SGCZ: variants seen among roughly 807,000 people sequenced by gnomAD.
The protein encoded by SGCZ is zeta-sarcoglycan.
SGCZ carries 40 observed loss-of-function variants against 41.3 expected under a neutral mutation model. That is an observed-to-expected ratio of 0.97 (90% CI 0.75 to 1.26). SGCZ has a LOEUF of 1.26. SGCZ is among the 50% of genes most tolerant of loss of function. The pLI, the probability that SGCZ is intolerant of heterozygous loss-of-function variation, is 0.00. For synonymous variants in SGCZ, 206 were observed against 137.5 expected (o/e 1.50, Z -3.49); for missense variants, 552 against 369.8 (o/e 1.49, Z -4.04).
intron 1 of SGCZ, among the ~76,000 whole-genome samples, chr8:14,689,744 G>A (rs1808737364): frequency 6.6e-6 from 1 of 152,168 alleles, no homozygotes; most frequent in African/African-American, 2.4e-5. Flanking sequence ...ATCACTGTCA[G>A]TTCTTCCAGA....
rs1384136539 is a variant in SGCZ, at chr8:14,401,437, C to A, written c.235-77233G>T. ...TATCTCCTAAAGCTATCCCTCCCCC[C>A]TCCCCCCACCCCACAACAGTCCTCA... On this transcript the variant is annotated intron_variant, in intron 2 of 7. Coordinates refer to ENST00000382080, the MANE Select transcript of SGCZ (RefSeq NM_139167.4). Among the ~76,000 whole-genome samples the A allele has an allele frequency of 4.0e-5, 4 of 101,168 alleles. 1 individual carries two copies. Among genetic ancestry groups the A allele is most frequent in the Middle Eastern group, 7.6e-3 (1 of 132 alleles). 66.4% of individuals were successfully genotyped at this position (101,168 alleles called of 152,430 possible). A position where few individuals can be genotyped will look rare whatever the true frequency, so the allele number is the denominator to read the frequency against.
At chr8:15,191,801 A>G (rs117686846) in intron 1 of SGCZ, among the ~76,000 whole-genome samples, 3 of 152,090 alleles carry the variant, frequency 2.0e-5, no homozygotes, top group African/African-American at 4.8e-5. Context: ...TTAAACTTCA[A>G]CTCAGTCCTA....
chr8:14,198,169 T>G (rs1005344426), intron 4 of SGCZ, among the ~76,000 whole-genome samples: 2 of 152,238 alleles, frequency 1.3e-5, no homozygotes, highest in African/African-American at 4.8e-5. Context: ...ATATGCCATC[T>G]CATTCTGTCC....
intron 2 of SGCZ, among the ~76,000 whole-genome samples, chr8:14,402,132 GTTGT>G (rs1180367581): frequency 4.6e-5 from 7 of 152,064 alleles, no homozygotes; most frequent in African/African-American, 1.7e-4. Flanking sequence ...TTTTGATGGG[GTTGT>G]TTGTTTTCTT....
rs59543494 is a variant in SGCZ at position 14,978,470 on chromosome 8, C to CAAAAAAAAAAAAAAA, written c.39+259100_39+259114dup. ...TGGAGGACCGAGTGAGACACCGTCACAAAAAAAAAAAAAAAAAAAAAAAAA... is the reference window on the plus strand; with the variant it reads ...TGGAGGACCGAGTGAGACACCGTCACAAAAAAAAAAAAAAAAAAAAAAAAAAAAAAAAAAAAAAAA... On this transcript the variant is annotated intron_variant, in intron 1 of 7. Coordinates refer to ENST00000382080, the MANE Select transcript of SGCZ (RefSeq NM_139167.4). 1.9e-4 allele frequency among the ~76,000 whole-genome samples: 12 copies of CAAAAAAAAAAAAAAA among 62,826 alleles called. 2 individuals carry two copies. Among genetic ancestry groups the CAAAAAAAAAAAAAAA allele is most frequent in the African/African-American group, 7.5e-4 (9 of 12,052 alleles). 41.2% of individuals were successfully genotyped at this position (62,826 alleles called of 152,430 possible).
intron 1 of SGCZ, among the ~76,000 whole-genome samples, chr8:14,769,793 T>TAAAAAAAAAA (rs565416806): frequency 0.01 from 531 of 52,048 alleles, 11 homozygotes; most frequent in East Asian, 0.032. Context: ...AAAACACCAT[T>TAAAAAAAAAA]AAAAAAAAAA....
At chr8:14,548,113 C>G (rs1304546474) in intron 2 of SGCZ, among the ~76,000 whole-genome samples, 3 of 152,044 alleles carry the variant, frequency 2.0e-5, no homozygotes, top group Admixed American at 6.6e-5. Flanking sequence ...CTTTTGATTT[C>G]TACATCAGCC....
chr8:15,109,115 C>T (rs768689780), intron 1 of SGCZ, among the ~76,000 whole-genome samples: 18 of 152,122 alleles, frequency 1.2e-4, no homozygotes, highest in Admixed American at 2.6e-4. Flanking sequence ...CACACACACA[C>T]TCATAATAGA....
At chr8:14,747,297 G>A (rs1294622112) in intron 1 of SGCZ, among the ~76,000 whole-genome samples, 2 of 152,132 alleles carry the variant, frequency 1.3e-5, no homozygotes, top group African/African-American at 4.8e-5. Flanking sequence ...CTTGTAGCCT[G>A]AGAGTACATC....
chr8:14,385,959 T>A (rs747558899), intron 2 of SGCZ, among the ~76,000 whole-genome samples: 54 of 152,212 alleles, frequency 3.5e-4, no homozygotes, highest in Non-Finnish European at 6.3e-4. Flanking sequence ...ATCTCTAGAT[T>A]ACTTATAATA....
intron 1 of SGCZ, among the ~76,000 whole-genome samples, chr8:14,849,641 T>G (rs1803248074): frequency 6.6e-6 from 1 of 152,102 alleles, no homozygotes. Context: ...CAGCTATACG[T>G]GGGGTGAGGC....
At chr8:14,856,974 G>A (rs1048707318) in intron 1 of SGCZ, among the ~76,000 whole-genome samples, 5 of 152,114 alleles carry the variant, frequency 3.3e-5, no homozygotes, top group African/African-American at 1.2e-4. Context: ...ATCTGAAGTG[G>A]AATGGTAACC....
At chr8:14,379,007 A>G (rs1804254965) in intron 2 of SGCZ, among the ~76,000 whole-genome samples, 2 of 152,224 alleles carry the variant, frequency 1.3e-5, no homozygotes, top group Admixed American at 6.5e-5. Context: ...CTTTAAGTTG[A>G]TCATTATCCC....
chr8:14,570,865 T>C (rs1044571152), intron 1 of SGCZ, among the ~76,000 whole-genome samples: 2 of 152,162 alleles, frequency 1.3e-5, no homozygotes, highest in Admixed American at 1.3e-4. Flanking sequence ...TTTCAATCAG[T>C]TAATATATCT....
intron 2 of SGCZ, among the ~76,000 whole-genome samples, chr8:14,452,879 G>C (rs1301782275): frequency 1.3e-5 from 2 of 152,172 alleles, no homozygotes; most frequent in African/African-American, 4.8e-5. Flanking sequence ...GAGACAGCTG[G>C]ATCATTTGAG....
At chr8:14,191,918 A>C (rs1232705318) in intron 4 of SGCZ, among the ~76,000 whole-genome samples, 5 of 152,170 alleles carry the variant, frequency 3.3e-5, no homozygotes. Flanking sequence ...TATCTAAAAA[A>C]AAAGTAAAAT....
chr8:14,239,562 C>G (rs1798784811), intron 3 of SGCZ, among the ~76,000 whole-genome samples: 1 of 151,846 alleles, frequency 6.6e-6, no homozygotes. Context: ...CTTCTTATGT[C>G]AACAATAGAG....
chr8:15,073,519 C>T (rs117745030), intron 1 of SGCZ, among the ~76,000 whole-genome samples: 418 of 152,284 alleles, frequency 2.7e-3, no homozygotes, highest in Admixed American at 4.6e-3. Flanking sequence ...TGGCCAAACA[C>T]CAGCATAGAT....
intron 1 of SGCZ, among the ~76,000 whole-genome samples, chr8:14,799,770 G>A (rs1484288514): frequency 1.3e-5 from 2 of 151,948 alleles, no homozygotes. Flanking sequence ...AAAACCTCAT[G>A]CCCCTTTGCC....
Sources: allele counts gnomAD v4.1 joint callset (sites outside exome capture counted in the v4.1 genomes callset), GRCh38; gene constraint gnomAD v4.1.1; transcripts MANE v1.5; gene names NCBI Gene and HGNC (gene_info 2026-07-23, HGNC 2026-07-21).